PDE4D: variants seen among roughly 807,000 people sequenced by gnomAD.
The protein encoded by PDE4D is 3',5'-cyclic-AMP phosphodiesterase 4D.
In PDE4D, 24 loss-of-function variants were observed where a neutral mutation model predicts 87.4. The ratio of observed to expected loss-of-function variants is 0.27; its 90% CI spans 0.20 to 0.39. PDE4D has a LOEUF of 0.39. Among genes scored for constraint, PDE4D ranks in the 10% least tolerant of loss-of-function variants. The pLI is 1.00. For synonymous variants in PDE4D, 384 were observed against 383.2 expected, an observed-to-expected ratio of 1.00 and a Z score of -0.02; for missense variants, 714 against 1,041.0, an observed-to-expected ratio of 0.69 and a Z score of 4.32.
chr5:59,529,329 GA>G, intron 1 of PDE4D: 1 of 301,152 alleles, frequency 3.3e-6, no homozygotes. Flanking sequence ...AAGAAAGGAA[GA>G]AAATGGAATT....
chr5:59,626,483 CTT>C (rs1830917548), intron 1 of PDE4D, among the ~76,000 whole-genome samples: 1 of 152,160 alleles, frequency 6.6e-6, no homozygotes, highest in Non-Finnish European at 1.5e-5. Context: ...AAATGAGTGA[CTT>C]AATTTCTTAA....
At chr5:59,469,398 A>G (rs1022804950) in intron 1 of PDE4D, among the ~76,000 whole-genome samples, 2 of 152,192 alleles carry the variant, frequency 1.3e-5, no homozygotes, top group Admixed American at 6.5e-5. Context: ...TACAAAAGAG[A>G]AAAGTAATTT....
intron 1 of PDE4D, among the ~76,000 whole-genome samples, chr5:60,310,443 A>G (rs916686680): frequency 1.3e-5 from 2 of 152,254 alleles, no homozygotes; most frequent in African/African-American, 4.8e-5. Context: ...GGTTTAAAAA[A>G]TGAATGAGGA....
At chr5:60,427,471 T>C (rs1003702068) in intron 1 of PDE4D, among the ~76,000 whole-genome samples, 1 of 152,098 alleles carries the variant, frequency 6.6e-6, no homozygotes, top group Admixed American at 6.5e-5. Context: ...AACAAAAATA[T>C]TCTTCAAAAA....
intron 1 of PDE4D, among the ~76,000 whole-genome samples, chr5:60,237,570 T>A (rs1030713013): frequency 3.9e-5 from 6 of 152,032 alleles, no homozygotes; most frequent in Non-Finnish European, 5.9e-5. Context: ...GACAATATTT[T>A]ATAGAGATGA....
intron 1 of PDE4D, among the ~76,000 whole-genome samples, chr5:59,268,348 T>C (rs1339532386): frequency 2.0e-5 from 3 of 152,108 alleles, no homozygotes; most frequent in African/African-American, 4.8e-5. Flanking sequence ...GCTTTCTAAT[T>C]TAGGTCAAAC....
chr5:59,985,635 C>T (rs1007784148), intron 3 of PDE4D, among the ~76,000 whole-genome samples: 1 of 152,008 alleles, frequency 6.6e-6, no homozygotes, highest in Non-Finnish European at 1.5e-5. Context: ...AAATGAAACC[C>T]TTGTTCCATC....
chr5:59,703,890 T>A (rs533393721), intron 1 of PDE4D, among the ~76,000 whole-genome samples: 5 of 151,914 alleles, frequency 3.3e-5, no homozygotes, highest in Non-Finnish European at 5.9e-5. Context: ...ACCAAGAAAA[T>A]GTCAGTTACA....
chr5:59,971,452 C>T (rs1179411793), intron 3 of PDE4D, among the ~76,000 whole-genome samples: 1 of 151,924 alleles, frequency 6.6e-6, no homozygotes, highest in Non-Finnish European at 1.5e-5. Flanking sequence ...CAAAATAGCA[C>T]TTATATAGGA....
intron 1 of PDE4D, among the ~76,000 whole-genome samples, chr5:59,653,946 CT>C (rs538388486): frequency 6.8e-4 from 103 of 150,690 alleles, no homozygotes; most frequent in African/African-American, 2.5e-3. Flanking sequence ...TGGCTCACCC[CT>C]ATAATCCTAG....
At chr5:59,404,196 T>C (rs1791198147) in intron 1 of PDE4D, among the ~76,000 whole-genome samples, 1 of 152,222 alleles carries the variant, frequency 6.6e-6, no homozygotes, top group African/African-American at 2.4e-5. Context: ...ATATTCTGGA[T>C]ATTAATCCCT....
intron 1 of PDE4D, among the ~76,000 whole-genome samples, chr5:59,736,996 CATAAT>C (rs1261136563): frequency 6.6e-6 from 1 of 151,904 alleles, no homozygotes; most frequent in Non-Finnish European, 1.5e-5. Context: ...ATAATATGTG[CATAAT>C]ATAATATGAA....
At chr5:59,894,122 A>C (rs1751383853), upstream of PDE4D, among the ~76,000 whole-genome samples, 1 of 152,006 alleles carries the variant, frequency 6.6e-6, no homozygotes, top group African/African-American at 2.4e-5. Flanking sequence ...TGTGACTTTC[A>C]CCAAAACCAC....
intron 1 of PDE4D, among the ~76,000 whole-genome samples, chr5:60,308,968 G>A: frequency 6.6e-6 from 1 of 151,898 alleles, no homozygotes; most frequent in Non-Finnish European, 1.5e-5. Flanking sequence ...TTACAACCAA[G>A]TAGAATAGGT....
At chr5:60,093,741 T>A (rs1048238149) in intron 2 of PDE4D, among the ~76,000 whole-genome samples, 1 of 152,010 alleles carries the variant, frequency 6.6e-6, no homozygotes, top group Non-Finnish European at 1.5e-5. Context: ...TAAAAAATAA[T>A]TCTCCACTAA....
chr5:59,302,682 T>C (rs1403268613), intron 1 of PDE4D, among the ~76,000 whole-genome samples: 3 of 152,212 alleles, frequency 2.0e-5, no homozygotes, highest in Non-Finnish European at 4.4e-5. Context: ...TCCAATCTCA[T>C]CCAGGTCACT....
intron 1 of PDE4D, among the ~76,000 whole-genome samples, chr5:60,385,977 A>G (rs929978537): frequency 8.5e-5 from 13 of 152,158 alleles, no homozygotes; most frequent in Non-Finnish European, 1.5e-4. Context: ...TGGCTACACC[A>G]GGCTGCCAGA....
At chr5:59,712,045 T>A (rs1171866849) in intron 1 of PDE4D, among the ~76,000 whole-genome samples, 2 of 152,128 alleles carry the variant, frequency 1.3e-5, no homozygotes, top group East Asian at 3.8e-4. Flanking sequence ...CAGTGAGTTT[T>A]AATTTGACTT....
chr5:58,986,286 T>C (rs1746401645), intron 11 of PDE4D, among the ~76,000 whole-genome samples: 2 of 152,316 alleles, frequency 1.3e-5, no homozygotes, highest in South Asian at 2.1e-4. Context: ...TCTCAAACTT[T>C]AGAGTATCAG....
Sources: gnomAD v4.1 joint callset for allele counts (sites outside exome capture counted in the v4.1 genomes callset) on GRCh38, gnomAD v4.1.1 for gene constraint, MANE v1.5 for transcripts, NCBI Gene and HGNC (gene_info 2026-07-23, HGNC 2026-07-21) for gene names.